The following LMOD1 variants were observed in gnomAD, a reference collection of about 807,000 sequenced individuals.
LMOD1 encodes the protein leiomodin-1.
A neutral mutation model predicts 36.5 loss-of-function variants in LMOD1; 8 were observed. The observed-to-expected ratio is 0.22, with a 90% CI of 0.13 to 0.40. The LOEUF (loss-of-function observed/expected upper bound fraction) is 0.40. Ranked by LOEUF, LMOD1 falls within the 10% of genes least tolerant of loss-of-function variation. The pLI is 1.00. For synonymous variants in LMOD1, 284 were observed against 288.7 expected (o/e 0.98, Z 0.17); for missense variants, 630 against 751.1 (o/e 0.84, Z 1.88).
At chr1:201,942,807 A>G (rs1682142877) in intron 1 of LMOD1, among the ~76,000 whole-genome samples, 1 of 152,062 alleles carries the variant, frequency 6.6e-6, no homozygotes, top group Non-Finnish European at 1.5e-5. Flanking sequence ...ATCTTGTTTC[A>G]TCTATATATA....
In LMOD1 at chr1:201,898,393, T is replaced by G. The variant is rs1197231091; in HGVS notation, c.1782A>C (p.Glu594Asp). 1 of 1,612,858 alleles carries G rather than the reference T, an allele frequency of 6.2e-7. No individual in the cohort carries two copies. Among genetic ancestry groups the G allele is most frequent in the Non-Finnish European group, 8.5e-7 (1 of 1,179,492 alleles). ...GGTCCTACTGAAGCAGTTTGGGCAC[T>G]TCCACCTGTAGGGGCAAAGTAGAGA... ...SSNLKQLKKV[E>D]VPKLLQ Residue 594 changes from glutamate to aspartate, a missense_variant, in exon 3 of 3, where the codon GAA becomes GAC. Coordinates refer to ENST00000367288, the MANE Select transcript of LMOD1 (RefSeq NM_012134.3).
At position 201,900,350 on chromosome 1, in the gene LMOD1, C is replaced by T; in HGVS notation, c.663G>A (p.Glu221=). Residue 221 remains glutamate, a synonymous_variant, in exon 2 of 3, where the codon GAG becomes GAA. Transcript: ENST00000367288. ...TGTTCCTACGCTCCCCTTTTACCTT[C>T]TCATCATCCTCTTTCTTGGCCACCT... ...MKEVAKKEDD[E]KVKGERRNTD... 6.4e-7 allele frequency: 1 copy of T among 1,571,754 alleles called. No homozygotes were observed. Among genetic ancestry groups the T allele is most frequent in the Admixed American group, 1.9e-5 (1 of 52,336 alleles).
intron 1 of LMOD1, among the ~76,000 whole-genome samples, chr1:201,944,013 C>A (rs531343925): frequency 6.6e-6 from 1 of 152,300 alleles, no homozygotes; most frequent in Admixed American, 6.5e-5. Flanking sequence ...TGACTTCTGC[C>A]CAGGCTCAGC....
intron 1 of LMOD1, among the ~76,000 whole-genome samples, chr1:201,923,815 T>C (rs76709730): frequency 0.19 from 28,649 of 150,930 alleles, 3,009 homozygotes; most frequent in Middle Eastern, 0.24. Context: ...CCTTGAGCTG[T>C]GATCGTGCCA....
At chr1:201,926,824 C>G (rs978002920) in intron 1 of LMOD1, among the ~76,000 whole-genome samples, 1 of 152,002 alleles carries the variant, frequency 6.6e-6, no homozygotes, top group Non-Finnish European at 1.5e-5. Flanking sequence ...TGAGACTAGC[C>G]TGGACATCAT....
chr1:201,941,857 C>T (rs531611553), intron 1 of LMOD1, among the ~76,000 whole-genome samples: 64 of 152,328 alleles, frequency 4.2e-4, no homozygotes, highest in Non-Finnish European at 3.2e-4. Flanking sequence ...TGGGTACAGG[C>T]GCTAATCCCC....
chr1:201,908,449 G>C (rs1297712752), intron 1 of LMOD1, among the ~76,000 whole-genome samples: 2 of 152,144 alleles, frequency 1.3e-5, no homozygotes, highest in African/African-American at 4.8e-5. Flanking sequence ...AACATCTCTG[G>C]AAACATACTT....
chr1:201,920,286 C>T (rs1681682266), intron 1 of LMOD1, among the ~76,000 whole-genome samples: 1 of 151,908 alleles, frequency 6.6e-6, no homozygotes, highest in Non-Finnish European at 1.5e-5. Flanking sequence ...TCTTGAACTC[C>T]TGACCTCAGA....
At chr1:201,933,600 T>TATATATATATATATATATAC (rs1424001535) in intron 1 of LMOD1, among the ~76,000 whole-genome samples, 12 of 7,148 alleles carry the variant, frequency 1.7e-3, no homozygotes, top group Middle Eastern at 0.17. Flanking sequence ...ATACATTATA[T>TATATATATATATATATATAC]ATATATATAT....
intron 1 of LMOD1, among the ~76,000 whole-genome samples, chr1:201,913,597 ACT>A (rs1681548925): frequency 1.3e-5 from 2 of 152,026 alleles, no homozygotes; most frequent in South Asian, 4.2e-4. Context: ...ACAGAGCCAG[ACT>A]CTGTCTCAAA....
rs1208769292 is a variant in LMOD1 at position 201,897,170 on chromosome 1, G to C, written c.*1202C>G. ...GAAGATGAGGCCCCTCTGAGCCCTA[G>C]GGCACACAGATATGGGTGCTATTCT... is the stretch of plus-strand genomic sequence containing the variant. On this transcript the variant is annotated 3_prime_UTR_variant, in exon 3 of 3. Coordinates refer to ENST00000367288, the MANE Select transcript of LMOD1 (RefSeq NM_012134.3). The C allele has an allele frequency of 4.3e-6, 1 of 230,092 alleles. No homozygotes were observed. The allele number at this position is 230,092 out of a possible 1,614,324, so 14.3% of individuals were successfully genotyped here.
At chr1:201,912,253 G>A (rs1047341400) in intron 1 of LMOD1, among the ~76,000 whole-genome samples, 3 of 152,134 alleles carry the variant, frequency 2.0e-5, no homozygotes, top group African/African-American at 7.2e-5. Context: ...CTACAACATT[G>A]TCCCTTCGCA....
intron 1 of LMOD1, among the ~76,000 whole-genome samples, chr1:201,907,261 G>A (rs1681427048): frequency 6.6e-6 from 1 of 152,208 alleles, no homozygotes; most frequent in African/African-American, 2.4e-5. Context: ...TGAACCTGTT[G>A]TCTCATATGT....
chr1:201,936,204 T>C (rs1457828472), intron 1 of LMOD1, among the ~76,000 whole-genome samples: 2 of 151,726 alleles, frequency 1.3e-5, no homozygotes, highest in Admixed American at 1.3e-4. Context: ...AGTTTCCATT[T>C]CTCATCAAAC....
intron 1 of LMOD1, among the ~76,000 whole-genome samples, chr1:201,940,713 T>G (rs1366677959): frequency 2.0e-5 from 3 of 148,642 alleles, no homozygotes; most frequent in Non-Finnish European, 4.5e-5. Flanking sequence ...GCCTCCCAAG[T>G]AGCTGGACTA....
intron 1 of LMOD1, among the ~76,000 whole-genome samples, chr1:201,943,646 G>A (rs904132339): frequency 6.6e-6 from 1 of 152,226 alleles, no homozygotes; most frequent in African/African-American, 2.4e-5. Flanking sequence ...GACAGGAGTA[G>A]AGATTTGCTT....
At chr1:201,915,312 G>T (rs150356888) in intron 1 of LMOD1, among the ~76,000 whole-genome samples, 1 of 152,010 alleles carries the variant, frequency 6.6e-6, no homozygotes, top group African/African-American at 2.4e-5. Flanking sequence ...GCCTCTCACC[G>T]GATTATCTCA....
chr1:201,924,665 A>AAAGAAAGAAAGAAAGAAG (rs1487505172), intron 1 of LMOD1, among the ~76,000 whole-genome samples: 2 of 130,192 alleles, frequency 1.5e-5, no homozygotes, highest in African/African-American at 5.9e-5. Context: ...AGAAAGAAAA[A>AAAGAAAGAAAGAAAGAAG]AAAGAAAGAA....
chr1:201,946,176 C>T lies in LMOD1; in HGVS notation c.165G>A (p.Thr55=), dbSNP rs757376494. Residue 55 remains threonine, a synonymous_variant, in exon 1 of 3, where the codon ACG becomes ACA. Transcript: ENST00000367288. ...VPVGLRQRNQ[T]EKQSTGVYNR... ...TGTACACACCCGTGGACTGTTTCTC[C>T]GTCTGGTTTCTCTGCCGCAGCCCCA... is the stretch of plus-strand genomic sequence containing the variant. The T allele has an allele frequency of 7.4e-6, 12 of 1,613,964 alleles. No homozygotes were observed. Among genetic ancestry groups the T allele is most frequent in the Non-Finnish European group, 9.3e-6 (11 of 1,179,876 alleles).
Sources: gnomAD v4.1 joint callset for allele counts (sites outside exome capture counted in the v4.1 genomes callset) on GRCh38, gnomAD v4.1.1 for gene constraint, MANE v1.5 for transcripts, NCBI Gene and HGNC (gene_info 2026-07-23, HGNC 2026-07-21) for gene names.